The following TMEM178B variants were observed in gnomAD, a reference collection of about 807,000 sequenced individuals.
The protein encoded by TMEM178B is transmembrane protein 178B.
TMEM178B carries 5 observed loss-of-function variants against 31.0 expected under a neutral mutation model. The observed-to-expected ratio is 0.16, with a 90% CI of 0.08 to 0.34. The LOEUF is 0.34. Ranked by LOEUF, TMEM178B falls within the 10% of genes least tolerant of loss-of-function variation. The probability of loss-of-function intolerance (pLI) is 1.00; values close to 1 mark genes in which losing one functional copy is unlikely to be tolerated. For synonymous variants in TMEM178B, 164 were observed against 164.0 expected (o/e 1.00, Z 0.00); for missense variants, 275 against 400.3 (o/e 0.69, Z 2.67).
At chr7:141,272,819 T>A (rs1798205820) in intron 2 of TMEM178B, among the ~76,000 whole-genome samples, 1 of 152,202 alleles carries the variant, frequency 6.6e-6, no homozygotes, top group East Asian at 1.9e-4. Flanking sequence ...TGAAGGTTCC[T>A]CAAAAAATTA....
At chr7:141,082,875 T>A (rs1794709081) in intron 1 of TMEM178B, among the ~76,000 whole-genome samples, 1 of 152,252 alleles carries the variant, frequency 6.6e-6, no homozygotes, top group South Asian at 2.1e-4. Flanking sequence ...AGGAGTGAGC[T>A]CTTTTTATTG....
chr7:141,297,888 G>C (rs1466979703), intron 2 of TMEM178B, among the ~76,000 whole-genome samples: 2 of 152,148 alleles, frequency 1.3e-5, no homozygotes, highest in Non-Finnish European at 2.9e-5. Flanking sequence ...AGGATGGCTG[G>C]GTCAAATGGT....
intron 3 of TMEM178B, among the ~76,000 whole-genome samples, chr7:141,457,696 C>T (rs1208938701): frequency 3.3e-5 from 5 of 152,204 alleles, no homozygotes; most frequent in Non-Finnish European, 7.3e-5. Context: ...AGGGTCAGAA[C>T]CTCTGTAGCA....
At position 141,161,928 on chromosome 7, in the gene TMEM178B, G is replaced by A. The variant is rs374879775; in HGVS notation, c.383-50663G>A. On this transcript the variant is annotated intron_variant, in intron 1 of 3. Transcript: ENST00000565468. Reference sequence around the variant, plus strand: ...AGTGTGCAAGAGCATGTGAGAATGTGTGTGTTTGTGTGAGGATTTGTGAGA... The same window carrying A: ...AGTGTGCAAGAGCATGTGAGAATGTATGTGTTTGTGTGAGGATTTGTGAGA... Among the ~76,000 whole-genome samples the A allele has an allele frequency of 4.4e-4, 62 of 141,300 alleles. No homozygotes were observed. In the East Asian group the frequency reaches 4.5e-3, roughly 10 times the overall value. 92.7% of individuals were successfully genotyped at this position (141,300 alleles called of 152,430 possible).
chr7:141,231,804 A>T (rs1797451955), intron 2 of TMEM178B, among the ~76,000 whole-genome samples: 1 of 152,054 alleles, frequency 6.6e-6, no homozygotes, highest in Non-Finnish European at 1.5e-5. Flanking sequence ...TTTCCCATCA[A>T]CTTTTATTTT....
At position 141,074,247 on chromosome 7, in the gene TMEM178B, G is replaced by C. The variant is rs368492073; in HGVS notation, c.-64G>C. ...CTCGGCCGCCCGCCGCTTTGTTCCG[G>C]GTGCGGCGAGGGAAGGCGAGGCTGC... On this transcript the variant is annotated 5_prime_UTR_variant, in exon 1 of 4. Transcript: ENST00000565468. The surrounding 1 kb of genome is among the most constrained non-coding windows in gnomAD (Gnocchi z 5.1). The C allele has an allele frequency of 4.1e-6, 6 of 1,449,554 alleles. No individual in the cohort carries two copies. In the South Asian group the frequency reaches 4.3e-5, roughly 10 times the overall value. The allele number at this position is 1,449,554 out of a possible 1,614,324, so 89.8% of individuals were successfully genotyped here.
At chr7:141,217,214 G>A (rs1203425583) in intron 2 of TMEM178B, among the ~76,000 whole-genome samples, 1 of 152,196 alleles carries the variant, frequency 6.6e-6, no homozygotes, top group African/African-American at 2.4e-5. Flanking sequence ...ACCCCCAGGA[G>A]CTCCTGAGGC....
intron 2 of TMEM178B, chr7:141,414,655 G>A (rs1034787550): frequency 6.6e-6 from 1 of 152,496 alleles, no homozygotes; most frequent in Non-Finnish European, 1.5e-5. Context: ...TATATAGAAA[G>A]CTATTGTCTA....
intron 1 of TMEM178B, among the ~76,000 whole-genome samples, chr7:141,175,071 C>T (rs567630861): frequency 6.6e-6 from 1 of 152,214 alleles, no homozygotes; most frequent in Non-Finnish European, 1.5e-5. Context: ...CCTAGGTTTT[C>T]TTCTAGGGTT....
chr7:141,372,945 A>C (rs1235341953), intron 2 of TMEM178B, among the ~76,000 whole-genome samples: 2 of 152,176 alleles, frequency 1.3e-5, no homozygotes, highest in African/African-American at 4.8e-5. Flanking sequence ...AAAGGGATGG[A>C]AAAAAGGAGA....
At chr7:141,382,832 A>G (rs1800344214) in intron 2 of TMEM178B, among the ~76,000 whole-genome samples, 1 of 152,268 alleles carries the variant, frequency 6.6e-6, no homozygotes, top group African/African-American at 2.4e-5. Flanking sequence ...AACTCAAAGT[A>G]ATGCCTTAGC....
chr7:141,285,846 AAAACC>A (rs1798439890), intron 2 of TMEM178B, among the ~76,000 whole-genome samples: 1 of 152,208 alleles, frequency 6.6e-6, no homozygotes, highest in Non-Finnish European at 1.5e-5. Context: ...ACAGGAACAG[AAAACC>A]AAACACCGCA....
At chr7:141,227,443 G>A (rs1469297646) in intron 2 of TMEM178B, among the ~76,000 whole-genome samples, 1 of 152,196 alleles carries the variant, frequency 6.6e-6, no homozygotes, top group African/African-American at 2.4e-5. Flanking sequence ...TGTGCTAAGT[G>A]CCTGACATAC....
intron 3 of TMEM178B, among the ~76,000 whole-genome samples, chr7:141,457,263 C>T (rs1801981931): frequency 6.6e-6 from 1 of 152,208 alleles, no homozygotes; most frequent in African/African-American, 2.4e-5. Flanking sequence ...TGCACTGTCA[C>T]ATGCTTTGAG....
chr7:141,286,610 A>G (rs1033607987), intron 2 of TMEM178B, among the ~76,000 whole-genome samples: 2 of 152,154 alleles, frequency 1.3e-5, no homozygotes, highest in Non-Finnish European at 2.9e-5. Flanking sequence ...AGCCTGTCCA[A>G]CCTCGGGGAG....
At position 141,363,376 on chromosome 7, in the gene TMEM178B, TA is replaced by T. The variant is rs1368015917; in HGVS notation, c.497-74230del. Among the ~76,000 whole-genome samples, 7 of 152,384 alleles carry T rather than the reference TA, an allele frequency of 4.6e-5. No individual in the cohort carries two copies. The South Asian group carries it at 1.2e-3, about 27-fold the overall frequency. ...TGGGTGTCAGTTTCTCAAGATATCGTAACTTAGTTCACAGAGTGCTTCCACA... is the reference window on the plus strand; with the variant it reads ...TGGGTGTCAGTTTCTCAAGATATCGTACTTAGTTCACAGAGTGCTTCCACA... On this transcript the variant is annotated intron_variant, in intron 2 of 3. Transcript: ENST00000565468.
intron 2 of TMEM178B, chr7:141,431,053 C>T (rs550886251): frequency 1.3e-4 from 20 of 152,294 alleles, no homozygotes; most frequent in African/African-American, 4.1e-4. Flanking sequence ...TGCAGTGCAG[C>T]ACTACAGGCA....
chr7:141,482,464 C>T (rs536716463), downstream of TMEM178B, among the ~76,000 whole-genome samples: 64 of 152,308 alleles, frequency 4.2e-4, no homozygotes, highest in Admixed American at 2.0e-3. Flanking sequence ...CTGACTTACT[C>T]ATCTTGGTAT....
the TMEM178B span, among the ~76,000 whole-genome samples, chr7:141,506,471 G>C: frequency 0.11 from 16,190 of 152,178 alleles, 2,643 homozygotes; most frequent in African/African-American, 0.35. Context: ...GAAGCAAAAG[G>C]AGAAACCCCT....
Sources: gnomAD v4.1 joint callset for allele counts (sites outside exome capture counted in the v4.1 genomes callset) on GRCh38, gnomAD v4.1.1 for gene constraint, Gnocchi (gnomAD v3.1) non-coding constraint, MANE v1.5 for transcripts, NCBI Gene and HGNC (gene_info 2026-07-23, HGNC 2026-07-21) for gene names.